IMMP1L: variants seen among roughly 807,000 people sequenced by gnomAD.
The protein encoded by IMMP1L is inner mitochondrial membrane peptidase subunit 1, also known as mitochondrial inner membrane protease subunit 1.
IMMP1L carries 24 observed loss-of-function variants against 21.8 expected under a neutral mutation model. The observed-to-expected ratio is 1.10, with a 90% CI of 0.80 to 1.55. The LOEUF (loss-of-function observed/expected upper bound fraction) is 1.55. Among genes scored for constraint, IMMP1L ranks in the 40% most tolerant of loss-of-function variants. IMMP1L has a pLI of 0.00. For missense variants in IMMP1L, 195 were observed against 200.7 expected (o/e 0.97, Z 0.17); for synonymous variants, 46 against 62.8 (o/e 0.73, Z 1.26).
chr11:31,452,472 C>T (rs1024166819), intron 4 of IMMP1L: 1 of 985,284 alleles, frequency 1.0e-6, no homozygotes, highest in Non-Finnish European at 1.2e-6. Context: ...AATGCCAACT[C>T]ATTTTATTTA....
chr11:31,456,313 C>T lies in IMMP1L; in HGVS notation c.268G>A (p.Gly90Arg). ...NICKRVIGLE[G>R]DKILTTSPSD... ...GGACTAGTGGTGAGGATTTTGTCTC[C>T]TTCCAAACCAATTACTCTTTTACAA... Residue 90 changes from glycine to arginine, a missense_variant, in exon 4 of 6, where the codon GGA becomes AGA. Coordinates refer to ENST00000532287, the MANE Select transcript of IMMP1L (RefSeq NM_001304274.2). The T allele has an allele frequency of 6.2e-7, 1 of 1,608,616 alleles. No individual in the cohort carries two copies. The highest frequency in any genetic ancestry group is 8.5e-7 in the Non-Finnish European group (1 of 1,175,762).
At chr11:31,474,237 C>G (rs16925646) in intron 1 of IMMP1L, among the ~76,000 whole-genome samples, 1 of 152,036 alleles carries the variant, frequency 6.6e-6, no homozygotes, top group South Asian at 2.1e-4. Context: ...GATATATGTC[C>G]ACTTAAGATC....
chr11:31,473,715 T>A (rs1954641477), intron 1 of IMMP1L: 13 of 977,670 alleles, frequency 1.3e-5, no homozygotes, highest in African/African-American at 1.8e-5. Flanking sequence ...ATGACTGAAG[T>A]AGACTTACAG....
chr11:31,467,008 T>A (rs1453688491), intron 1 of IMMP1L, among the ~76,000 whole-genome samples: 1 of 152,120 alleles, frequency 6.6e-6, no homozygotes, highest in African/African-American at 2.4e-5. Context: ...TAACACAATA[T>A]CACTGTATCC....
At chr11:31,490,211 T>C (rs1249368242) in intron 1 of IMMP1L, among the ~76,000 whole-genome samples, 2 of 152,180 alleles carry the variant, frequency 1.3e-5, no homozygotes, top group African/African-American at 4.8e-5. Context: ...CAAAGGTTCA[T>C]GCCTGTAATC....
In IMMP1L at chr11:31,456,397, A is replaced by C; in HGVS notation, c.195-11T>G. ...ATCACAATGTCACCTCTGAGGGGGA[A>C]AAGTCAAAGAAATGTCTGTATTATT... On this transcript the variant is annotated splice_polypyrimidine_tract_variant and intron_variant, in intron 3 of 5. Transcript: ENST00000532287. 1 of 1,605,340 alleles carries C rather than the reference A, an allele frequency of 6.2e-7. No individual in the cohort carries two copies. Among genetic ancestry groups the C allele is most frequent in the Non-Finnish European group, 8.5e-7 (1 of 1,174,126 alleles).
In IMMP1L at chr11:31,432,464, A is replaced by C. The variant is rs548671007; in HGVS notation, c.*36T>G. 1.4e-6 allele frequency: 2 copies of C among 1,397,604 alleles called. No homozygotes were observed. Among genetic ancestry groups the C allele is most frequent in the South Asian group, 2.3e-5 (2 of 86,582 alleles). 86.6% of individuals were successfully genotyped at this position (1,397,604 alleles called of 1,614,324 possible). On this transcript the variant is annotated 3_prime_UTR_variant, in exon 6 of 6. Transcript: ENST00000532287. The stretch of plus-strand genomic sequence containing the variant: ...ACGGGAGTAATAAATTCACATGAAA[A>C]GGAGACAATAATCAAGTCAAAAGAA...
chr11:31,508,603 A>C (rs968872516), intron 1 of IMMP1L, among the ~76,000 whole-genome samples: 1 of 152,238 alleles, frequency 6.6e-6, no homozygotes, highest in Non-Finnish European at 1.5e-5. Flanking sequence ...GAATCAGCCC[A>C]AAAATTTCAA....
At chr11:31,499,338 C>A (rs1955545141) in intron 1 of IMMP1L, among the ~76,000 whole-genome samples, 3 of 151,330 alleles carry the variant, frequency 2.0e-5, no homozygotes, top group Non-Finnish European at 2.9e-5. Flanking sequence ...GCACTCCAGC[C>A]TGGGCGACAG....
intron 1 of IMMP1L, chr11:31,477,046 A>C (rs1369498152): frequency 6.6e-6 from 1 of 152,132 alleles, no homozygotes; most frequent in Non-Finnish European, 1.5e-5. Context: ...ATATTTCACC[A>C]AAAGCCCTTT....
intron 1 of IMMP1L, among the ~76,000 whole-genome samples, chr11:31,483,415 G>T (rs2133761183): frequency 6.6e-6 from 1 of 152,068 alleles, no homozygotes. Flanking sequence ...TATAATCCAA[G>T]GGAGAAAACT....
At chr11:31,444,172 A>C (rs889513824) in intron 4 of IMMP1L, among the ~76,000 whole-genome samples, 2 of 152,212 alleles carry the variant, frequency 1.3e-5, no homozygotes, top group Admixed American at 6.5e-5. Context: ...AAACCTCATC[A>C]ATACAACTGA....
chr11:31,456,472 A>G (rs1448878487), intron 3 of IMMP1L, 86 bp from the exon 4 acceptor site: 8 of 1,037,282 alleles, frequency 7.7e-6, no homozygotes, highest in Non-Finnish European at 1.1e-5. Flanking sequence ...TTTATAAGAC[A>G]ACTTAAACAA....
chr11:31,458,561 T>A (rs1754853851), intron 3 of IMMP1L, among the ~76,000 whole-genome samples: 1 of 152,024 alleles, frequency 6.6e-6, no homozygotes, highest in African/African-American at 2.4e-5. Context: ...AAATGGAAGG[T>A]TATTTTACAT....
intron 1 of IMMP1L, among the ~76,000 whole-genome samples, chr11:31,479,739 T>C (rs756763446): frequency 6.6e-6 from 1 of 152,072 alleles, no homozygotes; most frequent in Non-Finnish European, 1.5e-5. Context: ...ATGTGATTCA[T>C]ATTATGTTTC....
chr11:31,444,099 C>T (rs1953433587), intron 4 of IMMP1L, among the ~76,000 whole-genome samples: 1 of 152,168 alleles, frequency 6.6e-6, no homozygotes, highest in Admixed American at 6.5e-5. Flanking sequence ...CACACAGTCA[C>T]ACATAGTCCT....
At chr11:31,495,642 GC>G (rs1439345521) in intron 1 of IMMP1L, among the ~76,000 whole-genome samples, 1 of 152,150 alleles carries the variant, frequency 6.6e-6, no homozygotes, top group Non-Finnish European at 1.5e-5. Context: ...GTTATAGTAA[GC>G]AAAAACGTGG....
intron 1 of IMMP1L, among the ~76,000 whole-genome samples, chr11:31,471,511 A>G (rs1954549254): frequency 6.6e-6 from 1 of 152,194 alleles, no homozygotes; most frequent in African/African-American, 2.4e-5. Flanking sequence ...TAAATTATAT[A>G]TATATCTTCA....
intron 1 of IMMP1L, among the ~76,000 whole-genome samples, chr11:31,464,937 G>T (rs1954279625): frequency 6.6e-6 from 1 of 152,088 alleles, no homozygotes; most frequent in South Asian, 2.1e-4. Flanking sequence ...GGAAGTCACA[G>T]CCATAGCAAT....
Sources: gnomAD v4.1 joint callset for allele counts (sites outside exome capture counted in the v4.1 genomes callset) on GRCh38, gnomAD v4.1.1 for gene constraint, MANE v1.5 for transcripts, NCBI Gene and HGNC (gene_info 2026-07-23, HGNC 2026-07-21) for gene names.